GLIS3: variants seen among roughly 807,000 people sequenced by gnomAD.
The protein encoded by GLIS3 is GLIS family zinc finger 3, also known as zinc finger protein GLIS3.
GLIS3 carries 53 observed loss-of-function variants against 78.6 expected under a neutral mutation model. The ratio of observed to expected loss-of-function variants is 0.67; its 90% CI spans 0.54 to 0.85. The LOEUF (loss-of-function observed/expected upper bound fraction) is 0.85. Ranked by LOEUF, GLIS3 falls within the 40% of genes least tolerant of loss-of-function variation. The pLI, the probability that GLIS3 is intolerant of heterozygous loss-of-function variation, is 0.00. For missense variants in GLIS3, 1,703 were observed against 1,231.1 expected, an observed-to-expected ratio of 1.38 and a Z score of -5.74; for synonymous variants, 684 against 509.9, an observed-to-expected ratio of 1.34 and a Z score of -4.60.
At chr9:4,433,573 A>C in the GLIS3 span, among the ~76,000 whole-genome samples, 10 of 152,136 alleles carry the variant, frequency 6.6e-5, no homozygotes, top group African/African-American at 2.4e-4. Flanking sequence ...TTTTTTGCCA[A>C]CTCATTTGGA....
At chr9:4,177,391 GC>G (rs1197168428) in intron 2 of GLIS3, among the ~76,000 whole-genome samples, 3 of 152,134 alleles carry the variant, frequency 2.0e-5, no homozygotes, top group Admixed American at 6.5e-5. Flanking sequence ...AACACTTGGG[GC>G]TAATCACTTT....
intron 4 of GLIS3, among the ~76,000 whole-genome samples, chr9:4,001,820 CCATCTGGATA>C (rs2129921469): frequency 6.6e-6 from 1 of 152,246 alleles, no homozygotes; most frequent in East Asian, 1.9e-4. Context: ...TGTGGTTATG[CCATCTGGATA>C]CATCTTCATT....
At chr9:4,108,957 G>T (rs1372435391) in intron 4 of GLIS3, among the ~76,000 whole-genome samples, 1 of 152,166 alleles carries the variant, frequency 6.6e-6, no homozygotes, top group East Asian at 1.9e-4. Flanking sequence ...AGAAGCTCAA[G>T]TAACAAAAGG....
the GLIS3 span, among the ~76,000 whole-genome samples, chr9:4,388,036 G>A: frequency 4.6e-5 from 7 of 152,238 alleles, no homozygotes; most frequent in East Asian, 1.9e-4. Context: ...GCGAACCAAT[G>A]TTTTGTTTTT....
chr9:4,345,250 A>C (rs1167779917), intron 2 of GLIS3, among the ~76,000 whole-genome samples: 1 of 151,994 alleles, frequency 6.6e-6, no homozygotes, highest in Admixed American at 6.6e-5. Flanking sequence ...CTCAGAACAC[A>C]CTTAGCCAGT....
chr9:3,953,199 G>A (rs1816817243), intron 4 of GLIS3, among the ~76,000 whole-genome samples: 1 of 151,948 alleles, frequency 6.6e-6, no homozygotes, highest in Non-Finnish European at 1.5e-5. Context: ...GAATCAGGCA[G>A]GGGAAAAAAA....
At chr9:3,941,374 TTTTA>T (rs1378837171) in intron 4 of GLIS3, among the ~76,000 whole-genome samples, 2 of 151,774 alleles carry the variant, frequency 1.3e-5, no homozygotes, top group South Asian at 2.1e-4. Flanking sequence ...TATTTATTTA[TTTTA>T]TTTTTTTTAA....
At chr9:4,177,792 C>A in intron 2 of GLIS3, among the ~76,000 whole-genome samples, 1 of 152,154 alleles carries the variant, frequency 6.6e-6, no homozygotes. Flanking sequence ...TCTGAAAGTG[C>A]AGTTGGTGCC....
intron 4 of GLIS3, among the ~76,000 whole-genome samples, chr9:4,078,206 T>C (rs1323518269): frequency 6.6e-6 from 1 of 152,186 alleles, no homozygotes; most frequent in African/African-American, 2.4e-5. Context: ...TTTTTTTCAA[T>C]ATAATCCTTT....
intron 2 of GLIS3, among the ~76,000 whole-genome samples, chr9:4,205,289 A>G (rs888052453): frequency 6.6e-6 from 1 of 151,796 alleles, no homozygotes; most frequent in African/African-American, 2.4e-5. Context: ...CAATTCAACT[A>G]TTTCCCCACT....
At position 3,841,465 on chromosome 9, in the gene GLIS3, A is replaced by T. The variant is rs117530612; in HGVS notation, c.2474-11973T>A. ...ATCCCTATTTATAAAAAGAGACAGT[A>T]ACACTCACATGGCATCAGAATCCTC... On this transcript the variant is annotated intron_variant, in intron 9 of 10. Transcript: ENST00000381971. Among the ~76,000 whole-genome samples the T allele has an allele frequency of 1.6e-3, 246 of 152,328 alleles. 6 individuals carry two copies. In the East Asian group the frequency reaches 0.039, roughly 24 times the overall value.
intron 2 of GLIS3, among the ~76,000 whole-genome samples, chr9:4,127,102 C>G (rs1018662368): frequency 2.0e-5 from 3 of 152,182 alleles, no homozygotes; most frequent in South Asian, 2.1e-4. Flanking sequence ...GGAGCAGTCA[C>G]TGTTTCCATC....
At chr9:3,833,519 A>AT (rs1421448276) in intron 9 of GLIS3, among the ~76,000 whole-genome samples, 1 of 150,478 alleles carries the variant, frequency 6.6e-6, no homozygotes, top group Non-Finnish European at 1.5e-5. Context: ...ATGTTAACAC[A>AT]TTTTGTGGGC....
intron 2 of GLIS3, among the ~76,000 whole-genome samples, chr9:4,259,623 G>C (rs902413200): frequency 7.9e-5 from 12 of 152,166 alleles, no homozygotes; most frequent in Non-Finnish European, 1.5e-4. Flanking sequence ...TGTGCTTTCA[G>C]TTTTTGCTTG....
the GLIS3 span, among the ~76,000 whole-genome samples, chr9:4,360,571 C>T: frequency 1.3e-5 from 2 of 152,124 alleles, no homozygotes; most frequent in East Asian, 1.9e-4. Flanking sequence ...CACCTTAACT[C>T]GATGAGTTGA....
rs527786421 is a variant in GLIS3 at position 4,342,581 on chromosome 9, G to GT, written n.264+4499dup. 3.9e-4 allele frequency among the ~76,000 whole-genome samples: 59 copies of GT among 152,242 alleles called. No homozygotes were observed. In the East Asian group the frequency reaches 9.1e-3, roughly 23 times the overall value. On this transcript the variant is annotated intron_variant and non_coding_transcript_variant, in intron 2 of 4. Coordinates refer to the GLIS3 transcript ENST00000471664. Reference sequence around the variant, plus strand: ...TAGAATTGCTGTGGCTATTTCAGCTGTTTTTTTGGTTCCATATGAATACTA... The same window carrying GT: ...TAGAATTGCTGTGGCTATTTCAGCTGTTTTTTTTGGTTCCATATGAATACTA...
At chr9:4,029,286 G>A (rs766032199) in intron 4 of GLIS3, among the ~76,000 whole-genome samples, 1 of 151,336 alleles carries the variant, frequency 6.6e-6, no homozygotes, top group Non-Finnish European at 1.5e-5. Flanking sequence ...TTTTCCCCCC[G>A]AGACCAAAAT....
At chr9:4,187,514 T>G (rs1353195633) in intron 2 of GLIS3, among the ~76,000 whole-genome samples, 1 of 152,172 alleles carries the variant, frequency 6.6e-6, no homozygotes, top group African/African-American at 2.4e-5. Flanking sequence ...TTAAAGTAGT[T>G]TTTTCCAATT....
intron 2 of GLIS3, among the ~76,000 whole-genome samples, chr9:4,330,811 G>A (rs1172215184): frequency 6.6e-6 from 1 of 152,172 alleles, no homozygotes; most frequent in Non-Finnish European, 1.5e-5. Context: ...AATCGATGCT[G>A]AGAGACTTTT....
Sources: gnomAD v4.1 joint callset for allele counts (sites outside exome capture counted in the v4.1 genomes callset) on GRCh38, gnomAD v4.1.1 for gene constraint, MANE v1.5 for transcripts, NCBI Gene and HGNC (gene_info 2026-07-23, HGNC 2026-07-21) for gene names.